SLC67A2: variants seen among roughly 807,000 people sequenced by gnomAD.
The protein encoded by SLC67A2 is solute carrier family 67 member 2.
the SLC67A2 span, chr2:102,736,515 T>TAGTG: frequency 6.3e-7 from 1 of 1,585,816 alleles, no homozygotes; most frequent in Non-Finnish European, 8.5e-7. Context: ...GCTTGATAGG[T>TAGTG]AGTGAGGCAC....
the SLC67A2 span, among the ~76,000 whole-genome samples, chr2:102,726,392 C>T: frequency 2.6e-5 from 4 of 152,302 alleles, no homozygotes; most frequent in Non-Finnish European, 5.9e-5. Flanking sequence ...TGATCATTCA[C>T]GCTGACAGGC....
the SLC67A2 span, chr2:102,732,048 T>C: frequency 6.9e-6 from 4 of 576,056 alleles, no homozygotes; most frequent in Admixed American, 2.2e-5. Flanking sequence ...AGCCAGCTCC[T>C]TGCAGAGGCT....
At chr2:102,728,407 T>A in the SLC67A2 span, among the ~76,000 whole-genome samples, 5 of 152,186 alleles carry the variant, frequency 3.3e-5, no homozygotes, top group African/African-American at 1.2e-4. Context: ...TGCATGCCAA[T>A]TGCCAAGTGT....
chr2:102,723,386 T>G, the SLC67A2 span, among the ~76,000 whole-genome samples: 1 of 152,112 alleles, frequency 6.6e-6, no homozygotes, highest in Non-Finnish European at 1.5e-5. Context: ...GGAGAATCGC[T>G]TGAATCTGGG....
At chr2:102,719,378 C>T in the SLC67A2 span, among the ~76,000 whole-genome samples, 1 of 152,120 alleles carries the variant, frequency 6.6e-6, no homozygotes, top group Non-Finnish European at 1.5e-5. Context: ...TGGCTTTATT[C>T]TGACATCAGG....
At chr2:102,729,839 T>C in the SLC67A2 span, among the ~76,000 whole-genome samples, 7 of 152,326 alleles carry the variant, frequency 4.6e-5, no homozygotes, top group South Asian at 1.2e-3. Context: ...ATCTAATATA[T>C]GAAATACTTC....
At chr2:102,726,947 G>T in the SLC67A2 span, 1 of 1,613,428 alleles carries the variant, frequency 6.2e-7, no homozygotes. Flanking sequence ...AAGGAAGACC[G>T]TCTTCCCACT....
chr2:102,720,867 A>G, the SLC67A2 span, among the ~76,000 whole-genome samples: 1 of 152,352 alleles, frequency 6.6e-6, no homozygotes, highest in East Asian at 1.9e-4. Context: ...AGCTATAGTC[A>G]TTCAGGGGTA....
At chr2:102,734,833 T>C in the SLC67A2 span, among the ~76,000 whole-genome samples, 4 of 152,218 alleles carry the variant, frequency 2.6e-5, no homozygotes, top group East Asian at 7.7e-4. Context: ...TATGATAAAT[T>C]GTGAATATTC....
chr2:102,736,424 C>A, the SLC67A2 span: 2 of 1,265,294 alleles, frequency 1.6e-6, no homozygotes, highest in Non-Finnish European at 2.1e-6. Flanking sequence ...GTTCCGCGAA[C>A]GGGGTGCAAG....
chr2:102,730,978 C>T, the SLC67A2 span: 2 of 1,566,364 alleles, frequency 1.3e-6, no homozygotes, highest in Non-Finnish European at 1.8e-6. Context: ...TTCAAGTCCC[C>T]AATTTTACTA....
chr2:102,723,983 ACCTCTATC>A, the SLC67A2 span: 1 of 1,273,480 alleles, frequency 7.9e-7, no homozygotes, highest in Non-Finnish European at 1.1e-6. Context: ...CCTGTGCTTA[ACCTCTATC>A]CCTGATGGAG....
the SLC67A2 span, chr2:102,719,261 A>T: frequency 6.5e-7 from 1 of 1,534,886 alleles, no homozygotes; most frequent in Non-Finnish European, 8.8e-7. Flanking sequence ...GAATCCATAC[A>T]CTACCTCCTT....
At chr2:102,718,846 G>T in the SLC67A2 span, 3 of 1,613,824 alleles carry the variant, frequency 1.9e-6, no homozygotes, top group African/African-American at 4.0e-5. Flanking sequence ...GGCCGGCCAC[G>T]GCCCCCAGCA....
the SLC67A2 span, chr2:102,723,699 C>T: frequency 1.7e-5 from 27 of 1,613,526 alleles, no homozygotes; most frequent in African/African-American, 2.7e-5. Context: ...TGTCAACTTA[C>T]CAGCATTGAG....
chr2:102,731,317 A>G, the SLC67A2 span, among the ~76,000 whole-genome samples: 1 of 152,186 alleles, frequency 6.6e-6, no homozygotes, highest in Non-Finnish European at 1.5e-5. Context: ...AGAGAGAAAA[A>G]AGGCAAAAGG....
chr2:102,736,637 C>A, the SLC67A2 span: 6 of 1,613,908 alleles, frequency 3.7e-6, no homozygotes, highest in Non-Finnish European at 5.1e-6. Flanking sequence ...CCCCCACGCT[C>A]GCACTCACCA....
the SLC67A2 span, chr2:102,731,118 A>C: frequency 6.7e-7 from 1 of 1,489,816 alleles, no homozygotes; most frequent in South Asian, 1.1e-5. Flanking sequence ...CTATCACAAA[A>C]ATGGATTAAT....
At chr2:102,721,948 CTCG>C in the SLC67A2 span, among the ~76,000 whole-genome samples, 1 of 152,188 alleles carries the variant, frequency 6.6e-6, no homozygotes, top group Non-Finnish European at 1.5e-5. Context: ...TCAAGCAATC[CTCG>C]CGCTTCAGCC....
Sources: allele counts gnomAD v4.1 joint callset (sites outside exome capture counted in the v4.1 genomes callset), GRCh38; gene constraint gnomAD v4.1.1; transcripts MANE v1.5; gene names NCBI Gene and HGNC (gene_info 2026-07-23, HGNC 2026-07-21).